TTC29: variants seen among roughly 807,000 people sequenced by gnomAD.
The protein encoded by TTC29 is tetratricopeptide repeat domain 29.
Under a neutral mutation model 58.1 loss-of-function variants are expected in TTC29, and 49 were observed. The ratio of observed to expected loss-of-function variants is 0.84; its 90% CI spans 0.67 to 1.07. The LOEUF (loss-of-function observed/expected upper bound fraction) is 1.07, where lower values mean the gene tolerates loss of function less well. Among genes scored for constraint, TTC29 ranks in the 50% least tolerant of loss-of-function variants. TTC29 has a pLI of 0.00. For synonymous variants in TTC29, 209 were observed against 196.8 expected (o/e 1.06, Z -0.52); for missense variants, 582 against 555.6 (o/e 1.05, Z -0.48).
chr4:146,847,057 CAGA>C (rs1355038616), intron 8 of TTC29, among the ~76,000 whole-genome samples: 1 of 152,148 alleles, frequency 6.6e-6, no homozygotes, highest in Admixed American at 6.5e-5. Flanking sequence ...TGCTTTCGCA[CAGA>C]AGAAGCTTCG....
chr4:146,799,370 A>AT (rs981489309), intron 11 of TTC29, among the ~76,000 whole-genome samples: 22 of 151,956 alleles, frequency 1.4e-4, no homozygotes, highest in South Asian at 4.2e-4. Flanking sequence ...AGTGAGTGTG[A>AT]TTTTTTTTCA....
intron 8 of TTC29, among the ~76,000 whole-genome samples, chr4:146,839,241 A>C (rs993775877): frequency 7.9e-5 from 12 of 152,038 alleles, no homozygotes; most frequent in African/African-American, 2.7e-4. Context: ...AATATTTGAT[A>C]GTGCAGTAGA....
intron 6 of TTC29, among the ~76,000 whole-genome samples, chr4:146,900,814 T>C (rs1733094730): frequency 6.6e-6 from 1 of 152,278 alleles, no homozygotes; most frequent in South Asian, 2.1e-4. Context: ...TTAGAAATGA[T>C]GAAGATGTCT....
intron 6 of TTC29, among the ~76,000 whole-genome samples, chr4:146,897,992 T>C (rs1732891657): frequency 6.6e-6 from 1 of 152,206 alleles, no homozygotes. Context: ...ATAGAATTTA[T>C]TGTTTTTTTA....
At chr4:146,891,851 T>C (rs1442076255) in intron 6 of TTC29, among the ~76,000 whole-genome samples, 1 of 152,096 alleles carries the variant, frequency 6.6e-6, no homozygotes, top group Non-Finnish European at 1.5e-5. Context: ...ATGTTTCTAG[T>C]TGTATGGAAT....
In TTC29 at chr4:146,909,206, G is replaced by T; in HGVS notation, c.220C>A (p.Arg74=). ...GTGAAGGACTTATGATAACCATCTC[G>T]CAGCATGTCCACACAGATATTCTTC... ...YKKNICVDML[R]DGYHKSFTEL... Residue 74 remains arginine (R), a synonymous_variant, in exon 5 of 13, where the codon CGA becomes AGA. Transcript: ENST00000325106. The T allele has an allele frequency of 6.2e-7, 1 of 1,613,346 alleles. No homozygotes were observed.
chr4:146,901,930 T>A (rs1362501453), intron 6 of TTC29, among the ~76,000 whole-genome samples: 1 of 152,234 alleles, frequency 6.6e-6, no homozygotes, highest in Non-Finnish European at 1.5e-5. Context: ...CACTAGGTTC[T>A]AAATCACTGT....
intron 11 of TTC29, among the ~76,000 whole-genome samples, chr4:146,781,373 G>A (rs1172067151): frequency 6.6e-6 from 1 of 151,828 alleles, no homozygotes; most frequent in Admixed American, 6.6e-5. Flanking sequence ...TAAGAGACTC[G>A]AGCTCTCAAT....
chr4:146,847,707 G>C (rs139492361), intron 8 of TTC29, among the ~76,000 whole-genome samples: 7 of 152,336 alleles, frequency 4.6e-5, no homozygotes, highest in African/African-American at 1.4e-4. Context: ...GACATGCCGA[G>C]GTGGAGAAAA....
chr4:146,761,461 T>C (rs1746895733), intron 11 of TTC29, among the ~76,000 whole-genome samples: 1 of 151,976 alleles, frequency 6.6e-6, no homozygotes, highest in South Asian at 2.1e-4. Flanking sequence ...TACTCTTTAG[T>C]AATTGGTAAT....
chr4:146,907,600 G>A (rs1432608317), intron 5 of TTC29, among the ~76,000 whole-genome samples: 1 of 152,158 alleles, frequency 6.6e-6, no homozygotes, highest in African/African-American at 2.4e-5. Flanking sequence ...TCGGGTTCAA[G>A]CAATTCCCTG....
At chr4:146,849,288 C>T (rs1561186053) in intron 8 of TTC29, among the ~76,000 whole-genome samples, 1 of 152,160 alleles carries the variant, frequency 6.6e-6, no homozygotes, top group Non-Finnish European at 1.5e-5. Context: ...GAGTGCCTTG[C>T]TCTGGAGTAC....
intron 11 of TTC29, among the ~76,000 whole-genome samples, chr4:146,726,018 G>A (rs542960652): frequency 5.1e-4 from 77 of 152,174 alleles, no homozygotes; most frequent in Admixed American, 2.3e-3. Flanking sequence ...GACTATTGAT[G>A]TGTACTACCA....
intron 4 of TTC29, among the ~76,000 whole-genome samples, chr4:146,916,655 G>A (rs1734241083): frequency 6.6e-6 from 1 of 151,382 alleles, no homozygotes; most frequent in African/African-American, 2.4e-5. Flanking sequence ...TGAGTTGACT[G>A]GTCTCTGGGG....
chr4:146,902,874 T>C (rs1231588259), intron 6 of TTC29, among the ~76,000 whole-genome samples: 1 of 152,232 alleles, frequency 6.6e-6, no homozygotes, highest in African/African-American at 2.4e-5. Flanking sequence ...AAAACTTTTA[T>C]GCAAAATGAG....
At chr4:146,789,473 G>A (rs1296269400) in intron 11 of TTC29, among the ~76,000 whole-genome samples, 1 of 152,144 alleles carries the variant, frequency 6.6e-6, no homozygotes, top group African/African-American at 2.4e-5. Flanking sequence ...TCCTTGAGTT[G>A]CACCTTGAGA....
intron 8 of TTC29, among the ~76,000 whole-genome samples, chr4:146,836,664 A>T (rs1401918325): frequency 6.6e-6 from 1 of 152,172 alleles, no homozygotes; most frequent in African/African-American, 2.4e-5. Flanking sequence ...GAAAAACTCA[A>T]CCTTATTAAA....
intron 11 of TTC29, among the ~76,000 whole-genome samples, chr4:146,726,521 C>T (rs1743796253): frequency 6.6e-6 from 1 of 152,086 alleles, no homozygotes; most frequent in Admixed American, 6.6e-5. Context: ...CTCAGATTGG[C>T]CTGTTTTCTT....
At chr4:146,904,007 A>G (rs1443586244) in intron 5 of TTC29, among the ~76,000 whole-genome samples, 7 of 152,184 alleles carry the variant, frequency 4.6e-5, no homozygotes, top group African/African-American at 7.2e-5. Context: ...AGGCTTTAAG[A>G]TGTAGGACAG....
Sources: allele counts gnomAD v4.1 joint callset (sites outside exome capture counted in the v4.1 genomes callset), GRCh38; gene constraint gnomAD v4.1.1; transcripts MANE v1.5; gene names NCBI Gene and HGNC (gene_info 2026-07-23, HGNC 2026-07-21).